Variants in MYO3B observed in about 807,000 individuals in gnomAD.
MYO3B encodes myosin-IIIb.
A neutral mutation model predicts 174.6 loss-of-function variants in MYO3B; 156 were observed. That is an observed-to-expected ratio of 0.89 (90% CI 0.78 to 1.02). The LOEUF (loss-of-function observed/expected upper bound fraction) is 1.02. MYO3B is among the 50% of genes least tolerant of loss of function. The probability of loss-of-function intolerance (pLI) is 0.00; values close to 1 mark genes in which losing one functional copy is unlikely to be tolerated. For synonymous variants in MYO3B, 563 were observed against 569.1 expected (o/e 0.99, Z 0.15); for missense variants, 1,632 against 1,639.4 (o/e 1.00, Z 0.08).
intron 32 of MYO3B, among the ~76,000 whole-genome samples, chr2:170,595,809 C>T (rs554188154): frequency 1.3e-5 from 2 of 152,240 alleles, no homozygotes; most frequent in East Asian, 3.9e-4. Flanking sequence ...TCTGTGCCTT[C>T]GTAGGCTTCT....
At chr2:170,440,655 A>C (rs976982037) in intron 22 of MYO3B, among the ~76,000 whole-genome samples, 3 of 150,576 alleles carry the variant, frequency 2.0e-5, no homozygotes, top group African/African-American at 7.3e-5. Context: ...CAGGAGGCTG[A>C]GGCATGAGAA....
chr2:170,517,828 C>T (rs1252386044), intron 29 of MYO3B, among the ~76,000 whole-genome samples: 2 of 151,538 alleles, frequency 1.3e-5, no homozygotes, highest in Non-Finnish European at 2.9e-5. Flanking sequence ...GGGGGGAAAA[C>T]CTGCCTGGTG....
chr2:170,411,288 C>T (rs968717817), intron 22 of MYO3B, among the ~76,000 whole-genome samples: 2 of 152,044 alleles, frequency 1.3e-5, no homozygotes, highest in African/African-American at 2.4e-5. Flanking sequence ...AGAAATGCAT[C>T]GTTAGTTGAT....
intron 7 of MYO3B, among the ~76,000 whole-genome samples, chr2:170,249,707 G>A (rs2093230867): frequency 1.3e-5 from 2 of 152,176 alleles, no homozygotes; most frequent in South Asian, 4.1e-4. Context: ...GATGAATCAT[G>A]AGGCAGCTCC....
intron 32 of MYO3B, among the ~76,000 whole-genome samples, chr2:170,597,438 AG>A (rs1211791528): frequency 6.6e-6 from 1 of 151,932 alleles, no homozygotes; most frequent in African/African-American, 2.4e-5. Flanking sequence ...CAGCCAACCA[AG>A]CAAGGAGCTG....
At chr2:170,617,854 G>A (rs147771864) in intron 32 of MYO3B, among the ~76,000 whole-genome samples, 73 of 152,270 alleles carry the variant, frequency 4.8e-4, no homozygotes, top group African/African-American at 1.7e-3. Flanking sequence ...TAAATAACAC[G>A]GTTCCTTCTG....
intron 8 of MYO3B, among the ~76,000 whole-genome samples, chr2:170,353,742 A>T (rs2094096957): frequency 6.6e-6 from 1 of 152,228 alleles, no homozygotes; most frequent in African/African-American, 2.4e-5. Context: ...TCTTTAATAA[A>T]ATAAAACAAA....
intron 32 of MYO3B, among the ~76,000 whole-genome samples, chr2:170,558,915 CAT>C (rs1332475750): frequency 6.6e-6 from 1 of 152,218 alleles, no homozygotes; most frequent in Non-Finnish European, 1.5e-5. Context: ...GTACCTACGT[CAT>C]AGGGTATAGA....
chr2:170,309,474 C>T (rs1377782143), intron 7 of MYO3B, among the ~76,000 whole-genome samples: 1 of 152,150 alleles, frequency 6.6e-6, no homozygotes, highest in Non-Finnish European at 1.5e-5. Context: ...TCTACCTTAG[C>T]TAATATTTTT....
intron 32 of MYO3B, among the ~76,000 whole-genome samples, chr2:170,645,158 G>A (rs924848956): frequency 5.3e-5 from 8 of 152,274 alleles, no homozygotes; most frequent in African/African-American, 1.9e-4. Context: ...GGTCCTCAAA[G>A]TAAAAACTCA....
chr2:170,399,789 T>C (rs149166986), intron 16 of MYO3B, among the ~76,000 whole-genome samples: 2 of 152,196 alleles, frequency 1.3e-5, no homozygotes, highest in Non-Finnish European at 2.9e-5. Context: ...ACAAAGAAGA[T>C]TAGTTATCTC....
chr2:170,599,539 G>A (rs932848065), intron 32 of MYO3B, among the ~76,000 whole-genome samples: 3 of 152,176 alleles, frequency 2.0e-5, no homozygotes, highest in Admixed American at 1.3e-4. Flanking sequence ...TTGAGGTCAG[G>A]AGTTAGTGAC....
chr2:170,403,612 A>G (rs950628662), intron 19 of MYO3B, among the ~76,000 whole-genome samples: 3 of 152,244 alleles, frequency 2.0e-5, no homozygotes, highest in Middle Eastern at 3.2e-3. Context: ...TCTCTTCTGT[A>G]TGAAGTAGTT....
At chr2:170,495,697 T>C (rs1270007093) in intron 25 of MYO3B, among the ~76,000 whole-genome samples, 2 of 152,218 alleles carry the variant, frequency 1.3e-5, no homozygotes, top group African/African-American at 2.4e-5. Context: ...CATCAGATTC[T>C]TTAAATACTT....
chr2:170,394,279 C>T (rs1387960727), intron 16 of MYO3B, among the ~76,000 whole-genome samples: 1 of 152,066 alleles, frequency 6.6e-6, no homozygotes, highest in East Asian at 1.9e-4. Context: ...AACATTGCAA[C>T]CTCAGGCTTA....
At chr2:170,604,547 A>G (rs1011763033) in intron 32 of MYO3B, among the ~76,000 whole-genome samples, 3 of 152,240 alleles carry the variant, frequency 2.0e-5, no homozygotes, top group African/African-American at 7.2e-5. Flanking sequence ...GAGGGAAGTG[A>G]ACTGTATCAA....
At chr2:170,194,428 C>T (rs10171215) in intron 1 of MYO3B, among the ~76,000 whole-genome samples, 54,643 of 151,156 alleles carry the variant, frequency 0.36, 9,964 homozygotes, top group African/African-American at 0.39. Flanking sequence ...TTGCTTGAGC[C>T]TGGGAGGTTG....
At position 170,405,624 on chromosome 2, in the gene MYO3B, T is replaced by C; in HGVS notation, c.2511T>C (p.Tyr837=). The C allele has an allele frequency of 1.2e-6, 2 of 1,614,202 alleles. No individual in the cohort carries two copies. Among genetic ancestry groups the C allele is most frequent in the Admixed American group, 1.7e-5 (1 of 60,030 alleles). ...GVELCFGIQH[Y]AGKVLYDASG... ...AACTGTGCTTTGGCATTCAGCATTA[T>C]GCTGGAAAGGTGAGGCCAGTGTGAC... The change falls in exon 21 of 35, where the codon TAT becomes TAC. Residue 837 remains tyrosine (Y), a synonymous_variant. Transcript: ENST00000408978.
chr2:170,412,470 G>A (rs1351846485), intron 22 of MYO3B: 1 of 152,104 alleles, frequency 6.6e-6, no homozygotes, highest in Non-Finnish European at 1.5e-5. Flanking sequence ...TGAAGACTCA[G>A]GTCTCTTCCA....
Sources: allele counts gnomAD v4.1 joint callset (sites outside exome capture counted in the v4.1 genomes callset), GRCh38; gene constraint gnomAD v4.1.1; transcripts MANE v1.5; gene names NCBI Gene and HGNC (gene_info 2026-07-23, HGNC 2026-07-21).